Variants in MSR1 observed in about 807,000 individuals in gnomAD.
MSR1 encodes macrophage scavenger receptor types I and II.
A neutral mutation model predicts 47.2 loss-of-function variants in MSR1; 53 were observed. The observed-to-expected ratio is 1.12, with a 90% CI of 0.90 to 1.41. The LOEUF (loss-of-function observed/expected upper bound fraction) is 1.41, where lower values mean the gene tolerates loss of function less well. MSR1 is among the 40% of genes most tolerant of loss of function. The pLI, the probability that MSR1 is intolerant of heterozygous loss-of-function variation, is 0.00. For synonymous variants in MSR1, 239 were observed against 185.6 expected (o/e 1.29, Z -2.34); for missense variants, 786 against 546.9 (o/e 1.44, Z -4.36).
intron 4 of MSR1, among the ~76,000 whole-genome samples, chr8:16,167,780 C>T (rs1484864886): frequency 1.3e-5 from 2 of 152,168 alleles, no homozygotes; most frequent in Non-Finnish European, 2.9e-5. Flanking sequence ...CGCTTTCTGT[C>T]TTTCTTATAT....
At chr8:16,142,526 T>A (rs1443647100) in intron 8 of MSR1, among the ~76,000 whole-genome samples, 1 of 152,152 alleles carries the variant, frequency 6.6e-6, no homozygotes, top group Non-Finnish European at 1.5e-5. Flanking sequence ...TTTGAAAGCA[T>A]CATGATTACA....
chr8:16,118,092 T>C (rs1349207432), intron 9 of MSR1, among the ~76,000 whole-genome samples: 2 of 152,238 alleles, frequency 1.3e-5, no homozygotes, highest in African/African-American at 4.8e-5. Context: ...AAATAATTCA[T>C]CCAGACTAGT....
At chr8:16,157,461 A>G (rs1178169989) in intron 5 of MSR1, among the ~76,000 whole-genome samples, 1 of 151,944 alleles carries the variant, frequency 6.6e-6, no homozygotes, top group East Asian at 1.9e-4. Flanking sequence ...AAAAACAGGT[A>G]AAGATTTTTG....
intron 8 of MSR1, among the ~76,000 whole-genome samples, chr8:16,132,439 T>C (rs926581897): frequency 6.6e-6 from 1 of 152,050 alleles, no homozygotes; most frequent in East Asian, 1.9e-4. Flanking sequence ...TGCAAACAGA[T>C]AGTTTGACTT....
rs1318705748 is a variant in MSR1, at chr8:16,108,234, T to C, written c.*1851A>G. ...ACTAGTACTAGCAATAGTACTATTATTATTTTAAAGGTAAATTTTATTTTA... is the reference window on the plus strand; with the variant it reads ...ACTAGTACTAGCAATAGTACTATTACTATTTTAAAGGTAAATTTTATTTTA... On this transcript the variant is annotated 3_prime_UTR_variant, in exon 10 of 10. Transcript: ENST00000262101. The C allele has an allele frequency of 2.0e-5, 3 of 150,232 alleles. No homozygotes were observed. Among genetic ancestry groups the C allele is most frequent in the Non-Finnish European group, 4.4e-5 (3 of 67,670 alleles). 9.3% of individuals were successfully genotyped at this position (150,232 alleles called of 1,614,324 possible).
intron 1 of MSR1, among the ~76,000 whole-genome samples, chr8:16,183,003 C>T (rs761020999): frequency 8.6e-4 from 131 of 152,108 alleles, no homozygotes; most frequent in Non-Finnish European, 3.7e-4. Flanking sequence ...ATGCAATTTC[C>T]TATTCCCTTA....
chr8:16,150,243 C>A lies in MSR1; in HGVS notation c.967G>T (p.Ala323Ser). ...FPGSRGLPGYAGRPGNSGPKG... is the reference protein window; with the variant it reads ...FPGSRGLPGYSGRPGNSGPKG... ...ATTATTGTAATACCTGGCCTTCCGGCATATCCTGGGAGTCCTCGACTTCCA... is the reference window on the plus strand; with the variant it reads ...ATTATTGTAATACCTGGCCTTCCGGAATATCCTGGGAGTCCTCGACTTCCA... Residue 323 changes from alanine to serine, a missense_variant, in exon 7 of 10, where the codon GCC (alanine) becomes TCC (serine). Transcript: ENST00000262101. The A allele has an allele frequency of 6.5e-7, 1 of 1,541,336 alleles. No individual in the cohort carries two copies. Among genetic ancestry groups the A allele is most frequent in the South Asian group, 1.2e-5 (1 of 80,634 alleles).
intron 8 of MSR1, among the ~76,000 whole-genome samples, chr8:16,131,780 T>C (rs1299739098): frequency 6.6e-6 from 1 of 152,078 alleles, no homozygotes; most frequent in Non-Finnish European, 1.5e-5. Context: ...TTGTCAAAGA[T>C]CAAATAGTTG....
chr8:16,123,699 C>T (rs534185463), intron 8 of MSR1, among the ~76,000 whole-genome samples: 4 of 151,448 alleles, frequency 2.6e-5, no homozygotes, highest in South Asian at 2.1e-4. Flanking sequence ...TAAACGATTT[C>T]GTGTATTATT....
At chr8:16,129,514 G>T (rs1201602284) in intron 8 of MSR1, among the ~76,000 whole-genome samples, 1 of 152,020 alleles carries the variant, frequency 6.6e-6, no homozygotes, top group Non-Finnish European at 1.5e-5. Context: ...GGGAGGTCAA[G>T]GCAGGCAGAT....
chr8:16,164,111 T>C lies in MSR1; in HGVS notation c.771A>G (p.Lys257=), dbSNP rs772038921. The C allele has an allele frequency of 3.5e-5, 57 of 1,611,194 alleles. No individual in the cohort carries two copies. Among genetic ancestry groups the C allele is most frequent in the Non-Finnish European group, 4.8e-5 (56 of 1,178,244 alleles). The change falls in exon 5 of 10, where the codon AAA becomes AAG. Residue 257 remains lysine (K), a synonymous_variant. Coordinates refer to ENST00000262101, the MANE Select transcript of MSR1 (RefSeq NM_138715.3). ...LNNITNDLRL[K]DWEHSQTLRN... ...TCAAGGTCTGAGAATGTTCCCAATC[T>C]TTCAGTCTGAGATCATTAGTGATGT...
chr8:16,121,573 T>C (rs1415422156), intron 8 of MSR1, among the ~76,000 whole-genome samples: 1 of 151,886 alleles, frequency 6.6e-6, no homozygotes, highest in Non-Finnish European at 1.5e-5. Context: ...GTTTAGAAAA[T>C]TATTTGGCTA....
chr8:16,133,689 A>G (rs1800318360), intron 8 of MSR1, among the ~76,000 whole-genome samples: 1 of 152,090 alleles, frequency 6.6e-6, no homozygotes, highest in Non-Finnish European at 1.5e-5. Context: ...CTTGGTAGCC[A>G]TTGCTTTGAT....
At chr8:16,125,057 G>A (rs1036048981) in intron 8 of MSR1, among the ~76,000 whole-genome samples, 1 of 152,078 alleles carries the variant, frequency 6.6e-6, no homozygotes, top group Non-Finnish European at 1.5e-5. Flanking sequence ...CATATGGCTG[G>A]CTACTGAGAG....
intron 8 of MSR1, among the ~76,000 whole-genome samples, chr8:16,125,166 T>C (rs1031446582): frequency 5.9e-5 from 9 of 152,128 alleles, no homozygotes; most frequent in Non-Finnish European, 2.9e-5. Flanking sequence ...ATCTATCTCT[T>C]AGAGGCAGAC....
In MSR1 at chr8:16,141,056, T is replaced by C. The variant is rs375947195; in HGVS notation, c.1033+2502A>G. 195 of 1,612,650 alleles carry C rather than the reference T, an allele frequency of 1.2e-4. 1 individual carries two copies. The South Asian group carries it at 1.9e-3, about 16-fold the overall frequency. On this transcript the variant is annotated intron_variant, in intron 8 of 9. Coordinates refer to ENST00000262101, the MANE Select transcript of MSR1 (RefSeq NM_138715.3). Reference sequence around the variant, plus strand: ...TGAGTTGTACTGGTCCTGACACATATATAAAGGAGGAAATTAATTATTTTT... The same window carrying C: ...TGAGTTGTACTGGTCCTGACACATACATAAAGGAGGAAATTAATTATTTTT...
At chr8:16,116,320 G>C (rs539044491) in intron 9 of MSR1, among the ~76,000 whole-genome samples, 1 of 151,982 alleles carries the variant, frequency 6.6e-6, no homozygotes, top group Non-Finnish European at 1.5e-5. Context: ...ATTTAAACTT[G>C]CAATTTTTTA....
intron 4 of MSR1, 104 bp from the exon 5 acceptor site, chr8:16,164,355 G>A: frequency 1.1e-6 from 1 of 911,632 alleles, no homozygotes; most frequent in South Asian, 1.5e-5. Context: ...AACATATTAT[G>A]GGAGTTTTAT....
chr8:16,142,716 G>C (rs1800593271), intron 8 of MSR1, among the ~76,000 whole-genome samples: 1 of 152,062 alleles, frequency 6.6e-6, no homozygotes, highest in Admixed American at 6.6e-5. Context: ...AAAAGGATTT[G>C]CCATTATCTG....
Sources: allele counts gnomAD v4.1 joint callset (sites outside exome capture counted in the v4.1 genomes callset), GRCh38; gene constraint gnomAD v4.1.1; transcripts MANE v1.5; gene names NCBI Gene and HGNC (gene_info 2026-07-23, HGNC 2026-07-21).